Variants in RNF43 observed in about 807,000 individuals in gnomAD.
RNF43 encodes E3 ubiquitin-protein ligase RNF43.
In RNF43, 37 loss-of-function variants were observed where a neutral mutation model predicts 78.4. That is an observed-to-expected ratio of 0.47 (90% CI 0.36 to 0.62). The LOEUF is 0.62. Among genes scored for constraint, RNF43 ranks in the 20% least tolerant of loss-of-function variants. The pLI, the probability that RNF43 is intolerant of heterozygous loss-of-function variation, is 0.00. For synonymous variants in RNF43, 347 were observed against 395.0 expected (o/e 0.88, Z 1.44); for missense variants, 774 against 1,007.9 (o/e 0.77, Z 3.14).
intron 2 of RNF43, among the ~76,000 whole-genome samples, chr17:58,388,242 G>GC (rs1014685279): frequency 1.3e-5 from 2 of 152,178 alleles, no homozygotes; most frequent in Non-Finnish European, 2.9e-5. Flanking sequence ...CAGAGGCTAA[G>GC]CCCCTTTCCT....
Position 58,354,584 on chromosome 17 carries a change from G to T in RNF43, c.*359C>A, listed in dbSNP as rs2143362730. 2 of 389,360 alleles carry T rather than the reference G, an allele frequency of 5.1e-6. No individual in the cohort carries two copies. The highest frequency in any genetic ancestry group is 4.1e-5 in the East Asian group (1 of 24,156). The allele number at this position is 389,360 out of a possible 1,614,324, so 24.1% of individuals were successfully genotyped here. A position where few individuals can be genotyped will look rare whatever the true frequency, so the allele number is the denominator to read the frequency against. On this transcript the variant is annotated 3_prime_UTR_variant, in exon 10 of 10. Transcript: ENST00000407977. ...TTGGGGTGAGGGAAACCAAGTAGGG[G>T]TTGGAGAAGGAGCAGCACCTTTGTA... is the stretch of plus-strand genomic sequence containing the variant.
At chr17:58,359,809 T>C (rs978152624) in intron 8 of RNF43, among the ~76,000 whole-genome samples, 6 of 143,346 alleles carry the variant, frequency 4.2e-5, no homozygotes, top group South Asian at 4.4e-4. Flanking sequence ...GCCTGTAATC[T>C]CAGCTACTCG....
chr17:58,370,838 A>G, intron 3 of RNF43, 73 bp downstream of exon 3: 1 of 1,417,722 alleles, frequency 7.1e-7, no homozygotes, highest in Non-Finnish European at 9.4e-7. Flanking sequence ...TGGGGACAAG[A>G]GAGCACAGGG....
At chr17:58,367,191 A>G (rs189800529) in intron 3 of RNF43, among the ~76,000 whole-genome samples, 1 of 151,694 alleles carries the variant, frequency 6.6e-6, no homozygotes, top group African/African-American at 2.4e-5. Context: ...AGTAGAGATG[A>G]GGTTTCACCA....
intron 2 of RNF43, among the ~76,000 whole-genome samples, chr17:58,408,554 C>A (rs542397085): frequency 1.1e-4 from 16 of 152,122 alleles, no homozygotes; most frequent in Non-Finnish European, 2.2e-4. Context: ...AGCTATCAAA[C>A]TAAAGAAAAA....
intron 2 of RNF43, among the ~76,000 whole-genome samples, chr17:58,404,821 C>A (rs1268778115): frequency 1.3e-5 from 2 of 151,738 alleles, no homozygotes; most frequent in African/African-American, 4.8e-5. Context: ...TAAATTCAAA[C>A]AAAACTTCCA....
In RNF43 at chr17:58,354,931, G is replaced by C. The variant is rs1395071926; in HGVS notation, c.*12C>G. On this transcript the variant is annotated 3_prime_UTR_variant, in exon 10 of 10. Coordinates refer to ENST00000407977, the MANE Select transcript of RNF43 (RefSeq NM_017763.6). ...TGGAGCACACTCTTGGTTGGAGCTAGGCCTGAACATCTCACACAGCCTGTT... is the reference window on the plus strand; with the variant it reads ...TGGAGCACACTCTTGGTTGGAGCTACGCCTGAACATCTCACACAGCCTGTT... 1.2e-6 allele frequency: 2 copies of C among 1,613,630 alleles called. No homozygotes were observed. Among genetic ancestry groups the C allele is most frequent in the South Asian group, 2.2e-5 (2 of 91,066 alleles).
intron 2 of RNF43, among the ~76,000 whole-genome samples, 184 bp from the exon 3 acceptor site, chr17:58,371,217 G>T (rs762438150): frequency 1.3e-5 from 2 of 152,216 alleles, no homozygotes; most frequent in Non-Finnish European, 2.9e-5. Context: ...ACTTCAGGAT[G>T]CTGGGGCCAA....
downstream of RNF43, chr17:58,352,816 C>T: frequency 4.6e-6 from 1 of 219,646 alleles, no homozygotes; most frequent in East Asian, 6.6e-5. Context: ...TTGCGCAGTT[C>T]TTAGCGCTTA....
chr17:58,369,470 C>T lies in RNF43; in HGVS notation c.375+1441G>A, dbSNP rs531067500. 2.0e-5 allele frequency among the ~76,000 whole-genome samples: 3 copies of T among 152,334 alleles called. No individual in the cohort carries two copies. The South Asian group carries it at 6.2e-4, about 32-fold the overall frequency. ...CTTGTGCCCAGGAGAACGAGGATAT[C>T]CACAAGGGATCTGGGCCTGAGACAG... is the stretch of plus-strand genomic sequence containing the variant. On this transcript the variant is annotated intron_variant, in intron 3 of 9. Coordinates refer to ENST00000407977, the MANE Select transcript of RNF43 (RefSeq NM_017763.6).
chr17:58,406,968 CA>C (rs1453582770), intron 2 of RNF43, among the ~76,000 whole-genome samples: 2 of 150,552 alleles, frequency 1.3e-5, no homozygotes, highest in Non-Finnish European at 3.0e-5. Flanking sequence ...GTATTATAGT[CA>C]ATTTCCATCA....
At chr17:58,401,151 G>C (rs551119025) in intron 2 of RNF43, among the ~76,000 whole-genome samples, 1 of 152,198 alleles carries the variant, frequency 6.6e-6, no homozygotes, top group African/African-American at 2.4e-5. Context: ...GCACTGGACA[G>C]GTAATTTTCA....
chr17:58,356,944 AGTGCAGTGGC>A (rs541964072), intron 9 of RNF43: 87 of 274,308 alleles, frequency 3.2e-4, no homozygotes, highest in African/African-American at 2.4e-3. Context: ...CCCAGGCTGG[AGTGCAGTGGC>A]GCCATCTTGG....
At chr17:58,407,113 C>G (rs1473801220) in intron 2 of RNF43, among the ~76,000 whole-genome samples, 1 of 102,218 alleles carries the variant, frequency 9.8e-6, no homozygotes, top group African/African-American at 3.9e-5. Flanking sequence ...GGGTCTCATT[C>G]TGTCACCCAG....
In RNF43 at chr17:58,358,079, C is replaced by T. The variant is rs754444325; in HGVS notation, c.1697G>A (p.Gly566Asp). 1.4e-5 allele frequency: 23 copies of T among 1,602,036 alleles called. No individual in the cohort carries two copies. The highest frequency in any genetic ancestry group is 1.1e-4 in the East Asian group (5 of 44,798). Residue 566 changes from glycine (G) to aspartate (D), a missense_variant, in exon 9 of 10, where the codon GGC becomes GAC. Gly to Asp is a moderately conservative substitution (Grantham distance 94). Coordinates refer to ENST00000407977, the MANE Select transcript of RNF43 (RefSeq NM_017763.6). This position sits in a 1 kb window ranked among gnomAD's most constrained non-coding sequence, Gnocchi z 6.2. ...TCCGGTTTCTGGGCCAGGCTTCCTG[C>T]CATGCCACTGGAACCGCTTTTTGTA... ...HHYKKRFQWHGRKPGPETGVP... is the reference protein window; with the variant it reads ...HHYKKRFQWHDRKPGPETGVP...
At position 58,357,966 on chromosome 17, in the gene RNF43, C is replaced by T. The variant is rs1165820509; in HGVS notation, c.1810G>A (p.Ala604Thr). 1.2e-6 allele frequency: 2 copies of T among 1,610,660 alleles called. No individual in the cohort carries two copies. The highest frequency in any genetic ancestry group is 1.7e-6 in the Non-Finnish European group (2 of 1,178,616). The change falls in exon 9 of 10, where the codon GCA becomes ACA. Residue 604 changes from alanine to threonine, a missense_variant. Transcript: ENST00000407977. The surrounding 1 kb of genome is among the most constrained non-coding windows in gnomAD (Gnocchi z 4.5). ...PDQQVTRSNS[A>T]APSGRLSNPQ... ...TTAGAGAGCCGCCCCGAAGGGGCTG[C>T]TGAGTTGGATCTGGTGACTTGCTGA...
Position 58,385,256 on chromosome 17 carries a change from G to A in RNF43, c.253-14223C>T, listed in dbSNP as rs560029223. Among the ~76,000 whole-genome samples the A allele has an allele frequency of 3.3e-5, 5 of 152,152 alleles. No homozygotes were observed. The South Asian group carries it at 1.0e-3, about 32-fold the overall frequency. ...TATCTTTAATTATGATTTCCAAATT[G>A]GTCTCTGAAGTCAAATCTTCTATAC... is the stretch of plus-strand genomic sequence containing the variant. On this transcript the variant is annotated intron_variant, in intron 2 of 9. Coordinates refer to ENST00000407977, the MANE Select transcript of RNF43 (RefSeq NM_017763.6).
At chr17:58,377,473 C>A (rs1973226841) in intron 2 of RNF43, among the ~76,000 whole-genome samples, 4 of 152,130 alleles carry the variant, frequency 2.6e-5, no homozygotes, top group Non-Finnish European at 5.9e-5. Flanking sequence ...ACAAGCTCTT[C>A]CAGTTCTCAG....
In RNF43 at chr17:58,388,601, C is replaced by T. The variant is rs140409747; in HGVS notation, c.253-17568G>A. Among the ~76,000 whole-genome samples, 906 of 152,312 alleles carry T rather than the reference C, an allele frequency of 5.9e-3. 2 individuals carry two copies. The highest frequency in any genetic ancestry group is 9.3e-3 in the Non-Finnish European group (632 of 68,032). On this transcript the variant is annotated intron_variant, in intron 2 of 9. Coordinates refer to ENST00000407977, the MANE Select transcript of RNF43 (RefSeq NM_017763.6). ...AGGTCCAACCCAGGAGGTACATTCTCACTGGGGAGATGACATATACACAAA... is the reference window on the plus strand; with the variant it reads ...AGGTCCAACCCAGGAGGTACATTCTTACTGGGGAGATGACATATACACAAA...
Sources: allele counts gnomAD v4.1 joint callset (sites outside exome capture counted in the v4.1 genomes callset), GRCh38; gene constraint gnomAD v4.1.1; non-coding constraint Gnocchi (gnomAD v3.1); transcripts MANE v1.5; gene names NCBI Gene and HGNC (gene_info 2026-07-23, HGNC 2026-07-21).